RBBP6: variants seen among roughly 807,000 people sequenced by gnomAD.
RBBP6 encodes the protein RB binding protein 6, ubiquitin ligase, also known as E3 ubiquitin-protein ligase RBBP6.
Under a neutral mutation model 167.7 loss-of-function variants are expected in RBBP6, and 25 were observed. The observed-to-expected ratio is 0.15, with a 90% CI of 0.11 to 0.21. The LOEUF is 0.21. Among genes scored for constraint, RBBP6 ranks in the 10% least tolerant of loss-of-function variants. The probability of loss-of-function intolerance (pLI) is 1.00; values close to 1 mark genes in which losing one functional copy is unlikely to be tolerated. For synonymous variants in RBBP6, 789 were observed against 735.8 expected (o/e 1.07, Z -1.17); for missense variants, 1,868 against 2,134.2 (o/e 0.88, Z 2.46).
At chr16:24,560,504 T>C (rs1465591312) in intron 8 of RBBP6, among the ~76,000 whole-genome samples, 3 of 152,212 alleles carry the variant, frequency 2.0e-5, no homozygotes, top group African/African-American at 7.2e-5. Flanking sequence ...TATCCTAAGT[T>C]TGTGCCTTCT....
intron 8 of RBBP6, 87 bp downstream of exon 8, chr16:24,559,764 TAATAA>T (rs1174485022): frequency 1.7e-6 from 2 of 1,169,706 alleles, no homozygotes; most frequent in Non-Finnish European, 2.3e-6. Context: ...TATGTTTTAA[TAATAA>T]AATAAATAAT....
At position 24,544,591 on chromosome 16, in the gene RBBP6, T is replaced by C. The variant is rs183218040; in HGVS notation, c.167-1572T>C. On this transcript the variant is annotated intron_variant, in intron 1 of 17. Transcript: ENST00000319715. ...GTAACTTTAAGTGAAGCAAGTAAAC[T>C]TAATGACAATAAAAAGGCCTGGTTG... is the stretch of plus-strand genomic sequence containing the variant. Among the ~76,000 whole-genome samples the C allele has an allele frequency of 1.4e-3, 218 of 152,332 alleles. 4 individuals are homozygous for C. In the South Asian group the frequency reaches 0.017, roughly 12 times the overall value.
In RBBP6 at chr16:24,571,925, A is replaced by G. The variant is rs1489789678; in HGVS notation, c.4859A>G (p.His1620Arg). The G allele has an allele frequency of 1.2e-6, 2 of 1,614,136 alleles. No individual in the cohort carries two copies. The highest frequency in any genetic ancestry group is 2.2e-5 in the South Asian group (2 of 91,056). Reference protein sequence around the residue: ...STVKPKPQLSHSSRLSSDLTR... With the variant: ...STVKPKPQLSRSSRLSSDLTR... ...GTCAAGCCTAAACCCCAGTTAAGTC[A>G]TTCCTCTAGACTTTCCTCTGACTTA... The change falls in exon 18 of 18, where the codon CAT (histidine) becomes CGT (arginine). Residue 1620 changes from histidine (H) to arginine (R), a missense_variant. His to Arg is a conservative substitution (Grantham distance 29, BLOSUM62 0). Coordinates refer to ENST00000319715, the MANE Select transcript of RBBP6 (RefSeq NM_006910.5).
intron 7 of RBBP6, chr16:24,558,384 CTTTTTTTT>C (rs199519899): frequency 1.3e-5 from 7 of 533,580 alleles, no homozygotes; most frequent in African/African-American, 1.1e-4. Flanking sequence ...CTCTTTTTTT[CTTTTTTTT>C]TTTTTTCTTT....
At chr16:24,570,535 T>G in intron 17 of RBBP6, 36 bp downstream of exon 17, 1 of 1,491,536 alleles carries the variant, frequency 6.7e-7, no homozygotes, top group Non-Finnish European at 8.9e-7. Context: ...GGAACTTTGT[T>G]GGGAGAAGGA....
chr16:24,548,696 G>GAATA (rs1898725458), intron 2 of RBBP6, among the ~76,000 whole-genome samples: 1 of 152,148 alleles, frequency 6.6e-6, no homozygotes, highest in African/African-American at 2.4e-5. Context: ...TTAAGTGGCA[G>GAATA]GGTACACCTA....
At chr16:24,547,127 ATTATT>A (rs1898675654) in intron 2 of RBBP6, among the ~76,000 whole-genome samples, 1 of 152,150 alleles carries the variant, frequency 6.6e-6, no homozygotes, top group Non-Finnish European at 1.5e-5. Context: ...ATTGGAACAA[ATTATT>A]TTGAGTCAAT....
Position 24,568,755 on chromosome 16 carries a change from C to T in RBBP6, c.2065C>T (p.Pro689Ser). 9 of 1,612,938 alleles carry T rather than the reference C, an allele frequency of 5.6e-6. No homozygotes were observed. Among genetic ancestry groups the T allele is most frequent in the Non-Finnish European group, 7.6e-6 (9 of 1,179,280 alleles). The part of the protein sequence containing the change: ...RRRSFSRSKS[P>S]YSGSSYSRSS... Reference sequence around the variant, plus strand: ...TTGTTTTGTTTTTAGGTCTAAATCTCCCTATAGTGGTTCTTCGTATTCAAG... The same window carrying T: ...TTGTTTTGTTTTTAGGTCTAAATCTTCCTATAGTGGTTCTTCGTATTCAAG... Residue 689 changes from proline (P) to serine (S), a missense_variant, in exon 17 of 18, where the codon CCC becomes TCC. Transcript: ENST00000319715.
intron 8 of RBBP6, among the ~76,000 whole-genome samples, chr16:24,560,032 A>C (rs1358686489): frequency 2.0e-5 from 3 of 151,990 alleles, no homozygotes; most frequent in Non-Finnish European, 4.4e-5. Context: ...AGTGGTATCT[A>C]AATCTTTTTC....
Position 24,569,040 on chromosome 16 carries a change from C to A in RBBP6, c.2350C>A (p.Arg784Ser), listed in dbSNP as rs146591085. ...GTTTAGGGGACAGTCTCCTAATAAA[C>A]GTAATGTACCTCAAGGGGAAACAGA... ...QAFRGQSPNKRNVPQGETERE... is the reference protein window; with the variant it reads ...QAFRGQSPNKSNVPQGETERE... The change falls in exon 17 of 18, where the codon CGT (arginine) becomes AGT (serine). Residue 784 changes from arginine (R) to serine (S), a missense_variant. This residue lies in a region of RBBP6 where 673 missense variants were observed against 691.5 expected (regional missense o/e 0.97). Coordinates refer to ENST00000319715, the MANE Select transcript of RBBP6 (RefSeq NM_006910.5). 6.8e-6 allele frequency: 11 copies of A among 1,613,966 alleles called. No individual in the cohort carries two copies. In the African/African-American group the frequency reaches 1.3e-4, roughly 20 times the overall value.
chr16:24,561,509 A>G (rs1899055069), intron 8 of RBBP6, 103 bp from the exon 9 acceptor site: 1 of 948,304 alleles, frequency 1.1e-6, no homozygotes, highest in Admixed American at 2.2e-5. Context: ...TGCTTGGAAA[A>G]CAGTAATGTA....
intron 7 of RBBP6, among the ~76,000 whole-genome samples, chr16:24,556,837 A>C (rs1898922452): frequency 6.6e-6 from 1 of 152,218 alleles, no homozygotes; most frequent in Admixed American, 6.5e-5. Context: ...AAAGCTCTGC[A>C]TGATGTTGAG....
rs1310824277 is a variant in RBBP6, at chr16:24,561,903, C to G, written c.1031C>G (p.Pro344Arg). 1 of 1,613,896 alleles carries G rather than the reference C, an allele frequency of 6.2e-7. No individual in the cohort carries two copies. ...TTACCTCCTCCACCACCCCCAATAC[C>G]ACCTCCGAGACCACTGATTCAGAGG... ...KQLPPPPPPI[P>R]PPRPLIQRNL... is the part of the protein sequence containing the mutation. Residue 344 changes from proline to arginine, a missense_variant, in exon 10 of 18, where the codon CCA (proline) becomes CGA (arginine). Coordinates refer to ENST00000319715, the MANE Select transcript of RBBP6 (RefSeq NM_006910.5).
At chr16:24,566,106 C>T (rs1408237124) in intron 14 of RBBP6, among the ~76,000 whole-genome samples, 2 of 152,104 alleles carry the variant, frequency 1.3e-5, no homozygotes, top group Non-Finnish European at 2.9e-5. Context: ...TGCTTCATTG[C>T]TAAACTTATG....
In RBBP6 at chr16:24,564,974, G is replaced by A; in HGVS notation, c.1589+109G>A. 6.8e-6 allele frequency: 10 copies of A among 1,469,170 alleles called. No individual in the cohort carries two copies. In the South Asian group the frequency reaches 1.5e-4, roughly 21 times the overall value. The allele number at this position is 1,469,170 out of a possible 1,614,324, so 91.0% of individuals were successfully genotyped here. A position where few individuals can be genotyped will look rare whatever the true frequency, so the allele number is the denominator to read the frequency against. Reference sequence around the variant, plus strand: ...CAGGAAGGAAGGGGGTCATTTGTTTGTATTGTGCTTATCCCTCTTAAGTCC... The same window carrying A: ...CAGGAAGGAAGGGGGTCATTTGTTTATATTGTGCTTATCCCTCTTAAGTCC... On this transcript the variant is annotated intron_variant, in intron 14 of 17. Coordinates refer to ENST00000319715, the MANE Select transcript of RBBP6 (RefSeq NM_006910.5).
intron 8 of RBBP6, among the ~76,000 whole-genome samples, chr16:24,561,117 A>G (rs545001806): frequency 6.6e-6 from 1 of 152,262 alleles, no homozygotes; most frequent in Middle Eastern, 3.4e-3. Flanking sequence ...TAAAAACCCC[A>G]AGTTAGCCAT....
In RBBP6 at chr16:24,568,890, C is replaced by T. The variant is rs1204307523; in HGVS notation, c.2200C>T (p.Pro734Ser). 1 of 1,614,166 alleles carries T rather than the reference C, an allele frequency of 6.2e-7. No individual in the cohort carries two copies. The change falls in exon 17 of 18, where the codon CCC (proline) becomes TCC (serine). Residue 734 changes from proline to serine, a missense_variant. By Grantham distance (74) the Pro-to-Ser change is moderately conservative (BLOSUM62 -1). Around this residue, in one of 7 missense-constraint regions of RBBP6, gnomAD observed 673 missense variants for 691.5 expected, o/e 0.97. Transcript: ENST00000319715. ...SRSYSRSPPY[P>S]RRGRGKSRNY... ...TTCCTATTCACGGTCACCTCCATACCCCAGAAGAGGCAGAGGCAAGAGCCG... is the reference window on the plus strand; with the variant it reads ...TTCCTATTCACGGTCACCTCCATACTCCAGAAGAGGCAGAGGCAAGAGCCG...
In RBBP6 at chr16:24,569,167, G is replaced by A. The variant is rs367639774; in HGVS notation, c.2477G>A (p.Arg826His). ...VDFRDPFEKE[R>H]YREWERKYRE... ...TTTAGAGACCCATTTGAAAAAGAAC[G>A]CTACCGAGAATGGGAGAGAAAATAT... The change falls in exon 17 of 18, where the codon CGC (arginine) becomes CAC (histidine). Residue 826 changes from arginine to histidine, a missense_variant. Physicochemically the swap from Arg to His is conservative, Grantham distance 29 (BLOSUM62 0). Coordinates refer to ENST00000319715, the MANE Select transcript of RBBP6 (RefSeq NM_006910.5). 47 of 1,611,714 alleles carry A rather than the reference G, an allele frequency of 2.9e-5. No individual in the cohort carries two copies. The highest frequency in any genetic ancestry group is 6.7e-5 in the African/African-American group (5 of 74,508).
At position 24,572,852 on chromosome 16, in the gene RBBP6, A is replaced by C. The variant is rs1020672909; in HGVS notation, c.*407A>C. On this transcript the variant is annotated 3_prime_UTR_variant, in exon 18 of 18. Transcript: ENST00000319715. ...TTTGATTACAATAAAAGTTTTCAGTAAACTTTTCAAATGTTGAGTATTTGC... is the reference window on the plus strand; with the variant it reads ...TTTGATTACAATAAAAGTTTTCAGTCAACTTTTCAAATGTTGAGTATTTGC... The C allele has an allele frequency of 6.2e-6, 1 of 162,036 alleles. No individual in the cohort carries two copies. Among genetic ancestry groups the C allele is most frequent in the African/African-American group, 2.4e-5 (1 of 41,580 alleles). 10.0% of individuals were successfully genotyped at this position (162,036 alleles called of 1,614,324 possible). A position where few individuals can be genotyped will look rare whatever the true frequency, so the allele number is the denominator to read the frequency against.
Sources: allele counts gnomAD v4.1 joint callset (sites outside exome capture counted in the v4.1 genomes callset), GRCh38; gene constraint gnomAD v4.1.1; regional missense constraint gnomAD v4.1.1; transcripts MANE v1.5; gene names NCBI Gene and HGNC (gene_info 2026-07-23, HGNC 2026-07-21).